The following TRIM9 variants were observed in gnomAD, a reference collection of about 807,000 sequenced individuals.
The protein encoded by TRIM9 is tripartite motif containing 9, also known as E3 ubiquitin-protein ligase TRIM9.
Under a neutral mutation model 78.3 loss-of-function variants are expected in TRIM9, and 26 were observed. The ratio of observed to expected loss-of-function variants is 0.33; its 90% CI spans 0.24 to 0.46. The LOEUF (loss-of-function observed/expected upper bound fraction) is 0.46. Ranked by LOEUF, TRIM9 falls within the 20% of genes least tolerant of loss-of-function variation. TRIM9 has a pLI of 1.00. For missense variants in TRIM9, 787 were observed against 1,036.4 expected (o/e 0.76, Z 3.30); for synonymous variants, 398 against 416.5 (o/e 0.96, Z 0.54).
rs74052135 is a variant in TRIM9 at position 50,983,569 on chromosome 14, G to T, written c.1793-148C>A. On this transcript the variant is annotated intron_variant, in intron 8 of 12. Coordinates refer to ENST00000684578, the MANE Select transcript of TRIM9 (RefSeq NM_001387360.1). ...AAGCCCTTTTTATATTATTTAGTTT[G>T]TTGGGTAAAAAACTGCCCCTCTGCT... 5.1e-3 allele frequency: 2,432 copies of T among 479,818 alleles called. 44 individuals are homozygous for T. The highest frequency in any genetic ancestry group is 0.044 in the African/African-American group (2,201 of 50,366). 29.7% of individuals were successfully genotyped at this position (479,818 alleles called of 1,614,324 possible).
At chr14:51,025,516 C>T (rs1027840360) in intron 1 of TRIM9, among the ~76,000 whole-genome samples, 156 bp from the exon 2 acceptor site, 3 of 152,112 alleles carry the variant, frequency 2.0e-5, no homozygotes, top group South Asian at 2.1e-4. Flanking sequence ...ATTCTGGTGT[C>T]GAAACTCCCT....
chr14:51,016,989 G>A (rs997609545), intron 3 of TRIM9, among the ~76,000 whole-genome samples: 2 of 152,152 alleles, frequency 1.3e-5, no homozygotes, highest in Non-Finnish European at 1.5e-5. Context: ...GTCCCATTGT[G>A]TCCTAAAGCA....
rs189172103 is a variant in TRIM9 at position 51,016,244 on chromosome 14, C to G, written c.1042-5750G>C. On this transcript the variant is annotated intron_variant, in intron 3 of 12. Transcript: ENST00000684578. ...GGGCAGGGGTCCTCAACCCCCGGGC[C>G]GTGGACTGGCACTGGTCCGTGGCCT... Among the ~76,000 whole-genome samples, 6 of 152,276 alleles carry G rather than the reference C, an allele frequency of 3.9e-5. No homozygotes were observed. In the South Asian group the frequency reaches 6.2e-4, roughly 16 times the overall value.
intron 7 of TRIM9, among the ~76,000 whole-genome samples, chr14:50,994,896 A>G (rs2053998140): frequency 6.6e-6 from 1 of 152,196 alleles, no homozygotes; most frequent in Non-Finnish European, 1.5e-5. Context: ...AGTCAGTGTA[A>G]TTTGGTTTAG....
chr14:51,093,672 G>A (rs1457087572), intron 1 of TRIM9, among the ~76,000 whole-genome samples: 1 of 152,124 alleles, frequency 6.6e-6, no homozygotes, highest in African/African-American at 2.4e-5. Flanking sequence ...ACAGACTCCC[G>A]CCGTCCGCGC....
chr14:51,026,601 C>A (rs2058253235), intron 1 of TRIM9, among the ~76,000 whole-genome samples: 1 of 152,122 alleles, frequency 6.6e-6, no homozygotes, highest in African/African-American at 2.4e-5. Flanking sequence ...CCTTTCCTTT[C>A]TGTAAAAGGG....
At chr14:50,996,199 T>A (rs536360967) in intron 7 of TRIM9, 15 of 984,812 alleles carry the variant, frequency 1.5e-5, no homozygotes, top group Non-Finnish European at 1.8e-5. Flanking sequence ...TTGTACACAA[T>A]ATATAAAATT....
chr14:51,080,492 TA>T (rs2063203798), intron 1 of TRIM9, among the ~76,000 whole-genome samples: 1 of 145,994 alleles, frequency 6.8e-6, no homozygotes, highest in African/African-American at 2.5e-5. Context: ...GAGAAACAAC[TA>T]AAAAATGAGT....
chr14:51,082,203 G>C (rs1169018165), intron 1 of TRIM9, among the ~76,000 whole-genome samples: 1 of 152,174 alleles, frequency 6.6e-6, no homozygotes, highest in South Asian at 2.1e-4. Flanking sequence ...GGTTTTAGGA[G>C]CTCTGAGCCA....
In TRIM9 at chr14:50,982,067, G is replaced by A. The variant is rs148009813; in HGVS notation, c.1895C>T (p.Ser632Leu). 9.8e-5 allele frequency: 158 copies of A among 1,613,966 alleles called. No individual in the cohort carries two copies. The highest frequency in any genetic ancestry group is 3.3e-4 in the Middle Eastern group (2 of 6,084). Residue 632 changes from serine (S) to leucine (L), a missense_variant, in exon 11 of 13, where the codon TCG becomes TTG. Around this residue, in one of 3 missense-constraint regions of TRIM9, gnomAD observed 421 missense variants for 514.3 expected, o/e 0.82. Coordinates refer to ENST00000684578, the MANE Select transcript of TRIM9 (RefSeq NM_001387360.1). ...WFAFDPGSAH[S>L]DIILSNDNLT... ...GTTGTCATTGGAGAGGATGATGTCC[G>A]AGTGCGCCGAGCCAGGGTCGAAAGC...
At chr14:51,017,497 G>A (rs1035942647) in intron 3 of TRIM9, among the ~76,000 whole-genome samples, 3 of 152,174 alleles carry the variant, frequency 2.0e-5, no homozygotes, top group Non-Finnish European at 2.9e-5. Flanking sequence ...TTAATGTATA[G>A]AATACTGTAT....
At chr14:51,053,911 A>C (rs181482708) in intron 1 of TRIM9, among the ~76,000 whole-genome samples, 7 of 152,336 alleles carry the variant, frequency 4.6e-5, no homozygotes, top group African/African-American at 1.4e-4. Flanking sequence ...GGTAAGAGTG[A>C]ATCTACAATG....
intron 1 of TRIM9, among the ~76,000 whole-genome samples, chr14:51,066,099 G>GGGAA (rs2061713878): frequency 7.5e-6 from 1 of 134,190 alleles, no homozygotes. Flanking sequence ...GAGGGAGGGA[G>GGGAA]GGACGGAGGG....
Position 51,009,245 on chromosome 14 carries a change from A to C in TRIM9, c.1153-12T>G. ...AGGGCGTCAGAAATCTAATCAGATA[A>C]AGAGGACCACAGCCTAAGAAATACA... On this transcript the variant is annotated splice_polypyrimidine_tract_variant and intron_variant, in intron 4 of 12. Coordinates refer to ENST00000684578, the MANE Select transcript of TRIM9 (RefSeq NM_001387360.1). 3 of 1,613,880 alleles carry C rather than the reference A, an allele frequency of 1.9e-6. No homozygotes were observed. Among genetic ancestry groups the C allele is most frequent in the Non-Finnish European group, 2.5e-6 (3 of 1,179,840 alleles).
intron 7 of TRIM9, 94 bp downstream of exon 7, chr14:50,997,956 G>A: frequency 6.4e-7 from 1 of 1,569,702 alleles, no homozygotes; most frequent in Non-Finnish European, 8.6e-7. Context: ...AACACTTCAG[G>A]AATGTGGGCA....
In TRIM9 at chr14:50,982,022, C is replaced by A. The variant is rs1281435968; in HGVS notation, c.1940G>T (p.Ser647Ile). ...CCCTAGCACCACCCGGTCATCATAG[C>A]TACTACAGGTCACTGTCAGGTTGTC... ...SNDNLTVTCS[S>I]YDDRVVLGKT... Residue 647 changes from serine to isoleucine, a missense_variant, in exon 11 of 13, where the codon AGC becomes ATC. Around this residue, in one of 3 missense-constraint regions of TRIM9, gnomAD observed 421 missense variants for 514.3 expected, o/e 0.82. Coordinates refer to ENST00000684578, the MANE Select transcript of TRIM9 (RefSeq NM_001387360.1). 6.2e-7 allele frequency: 1 copy of A among 1,614,068 alleles called. No individual in the cohort carries two copies. The highest frequency in any genetic ancestry group is 1.3e-5 in the African/African-American group (1 of 74,906).
chr14:50,981,609 C>A (rs1016380155), intron 11 of TRIM9, among the ~76,000 whole-genome samples, 191 bp downstream of exon 11: 7 of 152,166 alleles, frequency 4.6e-5, no homozygotes, highest in African/African-American at 1.4e-4. Flanking sequence ...GTACTCAAGT[C>A]TCTATCATTA....
At chr14:50,998,570 GC>G (rs2054534529) in intron 6 of TRIM9, among the ~76,000 whole-genome samples, 1 of 152,152 alleles carries the variant, frequency 6.6e-6, no homozygotes, top group Non-Finnish European at 1.5e-5. Context: ...ACAGTATATA[GC>G]CCCTACTGAG....
chr14:50,976,285 C>G lies in TRIM9; in HGVS notation c.*1006G>C, dbSNP rs1034972513. 2.0e-5 allele frequency: 3 copies of G among 152,428 alleles called. No individual in the cohort carries two copies. Among genetic ancestry groups the G allele is most frequent in the African/African-American group, 7.2e-5 (3 of 41,428 alleles). 9.4% of individuals were successfully genotyped at this position (152,428 alleles called of 1,614,324 possible). A position where few individuals can be genotyped will look rare whatever the true frequency, so the allele number is the denominator to read the frequency against. ...AGTTGGTACATTTCTGGTGCTATGG[C>G]CAGAATGTGTGGATTTTTAGCATCA... On this transcript the variant is annotated 3_prime_UTR_variant, in exon 13 of 13. Coordinates refer to ENST00000684578, the MANE Select transcript of TRIM9 (RefSeq NM_001387360.1).
Sources: allele counts gnomAD v4.1 joint callset (sites outside exome capture counted in the v4.1 genomes callset), GRCh38; gene constraint gnomAD v4.1.1; regional missense constraint gnomAD v4.1.1; transcripts MANE v1.5; gene names NCBI Gene and HGNC (gene_info 2026-07-23, HGNC 2026-07-21).